MAST4: variants seen among roughly 807,000 people sequenced by gnomAD.
The protein encoded by MAST4 is microtubule associated serine/threonine kinase family member 4.
In MAST4, 89 loss-of-function variants were observed where a neutral mutation model predicts 162.7. The observed-to-expected ratio is 0.55, with a 90% CI of 0.46 to 0.65. The LOEUF (loss-of-function observed/expected upper bound fraction) is 0.65, where lower values mean the gene tolerates loss of function less well. Among genes scored for constraint, MAST4 ranks in the 30% least tolerant of loss-of-function variants. The pLI is 0.00. For missense variants in MAST4, 3,153 were observed against 3,374.0 expected (o/e 0.93, Z 1.62); for synonymous variants, 1,479 against 1,361.1 (o/e 1.09, Z -1.91).
At chr5:67,049,025 A>ATATATATATACG (rs1561576229) in intron 4 of MAST4, among the ~76,000 whole-genome samples, 11 of 69,068 alleles carry the variant, frequency 1.6e-4, no homozygotes, top group African/African-American at 4.6e-4. Flanking sequence ...ATATATACGT[A>ATATATATATACG]TATATATATA....
At chr5:67,101,470 C>T (rs558977399) in intron 8 of MAST4, among the ~76,000 whole-genome samples, 2 of 152,212 alleles carry the variant, frequency 1.3e-5, no homozygotes, top group East Asian at 1.9e-4. Flanking sequence ...GGATAGCACT[C>T]CCAGAAGCCG....
chr5:66,687,507 T>C (rs1266620768), intron 1 of MAST4, among the ~76,000 whole-genome samples: 5 of 152,024 alleles, frequency 3.3e-5, no homozygotes, highest in African/African-American at 1.2e-4. Context: ...TATGTATGTA[T>C]ACATAGATGT....
intron 4 of MAST4, among the ~76,000 whole-genome samples, chr5:67,022,118 C>G (rs1361876875): frequency 6.6e-6 from 1 of 152,134 alleles, no homozygotes; most frequent in Non-Finnish European, 1.5e-5. Flanking sequence ...AGACTTTATG[C>G]CAGCATAGTG....
chr5:67,022,963 A>G (rs1462502161), intron 4 of MAST4, among the ~76,000 whole-genome samples: 3 of 152,006 alleles, frequency 2.0e-5, no homozygotes, highest in South Asian at 2.1e-4. Context: ...AGGCATATCT[A>G]CCTTTTGGTG....
At chr5:66,726,703 G>A (rs769776086) in intron 1 of MAST4, among the ~76,000 whole-genome samples, 6 of 152,058 alleles carry the variant, frequency 3.9e-5, no homozygotes, top group Non-Finnish European at 8.8e-5. Context: ...GGAGGTAAGC[G>A]ACGAGCAAAT....
chr5:66,934,214 C>CTTTAT (rs541639193), intron 4 of MAST4, among the ~76,000 whole-genome samples: 9,461 of 150,110 alleles, frequency 0.063, 363 homozygotes, highest in African/African-American at 0.099. Flanking sequence ...CAGAGGCTTC[C>CTTTAT]TTTATTTTAT....
At chr5:67,055,174 T>C (rs1758648990) in intron 5 of MAST4, among the ~76,000 whole-genome samples, 3 of 152,104 alleles carry the variant, frequency 2.0e-5, no homozygotes, top group African/African-American at 7.2e-5. Context: ...GAAAGGGAAT[T>C]CTCAGTGTAT....
intron 3 of MAST4, among the ~76,000 whole-genome samples, chr5:66,825,261 GACACACACACACACACACAC>G (rs56076405): frequency 0.03 from 4,071 of 135,644 alleles, 104 homozygotes; most frequent in African/African-American, 0.068. Context: ...TAAAAACTAA[GACACACACACACACACACAC>G]ACACACACAC....
At chr5:66,890,702 G>GA (rs1393654961) in intron 3 of MAST4, among the ~76,000 whole-genome samples, 2 of 152,156 alleles carry the variant, frequency 1.3e-5, no homozygotes, top group Non-Finnish European at 2.9e-5. Flanking sequence ...CCTACAGGAG[G>GA]GGTCTGTGGT....
chr5:66,704,492 CTTTTTTTTTTT>C (rs1172510331), intron 1 of MAST4, among the ~76,000 whole-genome samples: 1 of 97,354 alleles, frequency 1.0e-5, no homozygotes. Context: ...GCTTGTTGTT[CTTTTTTTTTTT>C]TTTTTTTTTT....
intron 1 of MAST4, among the ~76,000 whole-genome samples, chr5:66,610,330 A>T (rs1321027985): frequency 2.0e-5 from 3 of 152,160 alleles, no homozygotes; most frequent in Non-Finnish European, 4.4e-5. Flanking sequence ...ATCCTTGTCT[A>T]CCTCCACATA....
chr5:66,864,662 T>G (rs778695603), intron 3 of MAST4, among the ~76,000 whole-genome samples: 8 of 145,638 alleles, frequency 5.5e-5, no homozygotes, highest in Non-Finnish European at 9.0e-5. Flanking sequence ...CGAAAATACA[T>G]GGAAGTCCTA....
intron 26 of MAST4, among the ~76,000 whole-genome samples, chr5:67,156,648 A>C (rs1329594445): frequency 2.0e-5 from 3 of 152,210 alleles, no homozygotes; most frequent in Admixed American, 2.0e-4. Flanking sequence ...ACATGAGGAC[A>C]GGAGATCTCA....
intron 4 of MAST4, among the ~76,000 whole-genome samples, chr5:66,920,254 A>T: frequency 6.6e-6 from 1 of 152,242 alleles, no homozygotes; most frequent in East Asian, 1.9e-4. Flanking sequence ...ATTTTGGTCA[A>T]CTCAAATTGT....
chr5:66,751,994 ATTC>A (rs1438267074), intron 1 of MAST4, among the ~76,000 whole-genome samples: 1 of 151,896 alleles, frequency 6.6e-6, no homozygotes, highest in Non-Finnish European at 1.5e-5. Flanking sequence ...AATATTCAAC[ATTC>A]TTAAAGAAAA....
intron 3 of MAST4, among the ~76,000 whole-genome samples, chr5:66,800,659 T>C (rs1755873548): frequency 6.6e-6 from 1 of 152,130 alleles, no homozygotes; most frequent in South Asian, 2.1e-4. Flanking sequence ...GGTTTACCTA[T>C]GTAACAAACC....
chr5:66,656,330 A>G (rs746795115), intron 1 of MAST4, among the ~76,000 whole-genome samples: 3 of 152,230 alleles, frequency 2.0e-5, no homozygotes, highest in Non-Finnish European at 4.4e-5. Context: ...CTTCTCTGGC[A>G]TGTTTTCCTC....
intron 5 of MAST4, among the ~76,000 whole-genome samples, chr5:67,079,515 G>T (rs568013152): frequency 3.3e-5 from 5 of 152,064 alleles, no homozygotes; most frequent in Non-Finnish European, 5.9e-5. Flanking sequence ...AGGTGGGGAC[G>T]CAAAGTCTGG....
At chr5:66,905,649 G>T (rs1464694711) in intron 4 of MAST4, among the ~76,000 whole-genome samples, 2 of 152,152 alleles carry the variant, frequency 1.3e-5, no homozygotes, top group African/African-American at 4.8e-5. Flanking sequence ...AAGGTGGTCA[G>T]GTTACACTTG....
Sources: gnomAD v4.1 joint callset for allele counts (sites outside exome capture counted in the v4.1 genomes callset) on GRCh38, gnomAD v4.1.1 for gene constraint, MANE v1.5 for transcripts, NCBI Gene and HGNC (gene_info 2026-07-23, HGNC 2026-07-21) for gene names.